Variants in DCC observed in about 807,000 individuals in gnomAD.
DCC encodes netrin receptor DCC.
Under a neutral mutation model 172.5 loss-of-function variants are expected in DCC, and 58 were observed. The observed-to-expected ratio is 0.34, with a 90% CI of 0.27 to 0.42. The LOEUF is 0.42. Ranked by LOEUF, DCC falls within the 10% of genes least tolerant of loss-of-function variation. The pLI is 1.00. For synonymous variants in DCC, 709 were observed against 644.5 expected, an observed-to-expected ratio of 1.10 and a Z score of -1.52; for missense variants, 1,740 against 1,791.0, an observed-to-expected ratio of 0.97 and a Z score of 0.51.
intron 15 of DCC, among the ~76,000 whole-genome samples, chr18:53,383,401 CAT>C (rs1176788834): frequency 6.6e-6 from 1 of 151,432 alleles, no homozygotes; most frequent in Non-Finnish European, 1.5e-5. Flanking sequence ...GGTGAGTTTC[CAT>C]ACATCACAGC....
intron 5 of DCC, among the ~76,000 whole-genome samples, chr18:52,990,538 CCCAAAAAAAAAAA>C (rs201854081): frequency 0.32 from 24,157 of 76,438 alleles, 3,017 homozygotes; most frequent in Middle Eastern, 0.46. Context: ...AAAACTCCAT[CCCAAAAAAAAAAA>C]AAAAAAAAAA....
chr18:52,627,373 T>C (rs1034737783), intron 1 of DCC, among the ~76,000 whole-genome samples: 11 of 152,278 alleles, frequency 7.2e-5, no homozygotes, highest in Non-Finnish European at 7.4e-5. Context: ...TGAGTAAGGT[T>C]CCTGTGCACT....
chr18:52,985,089 C>T (rs1394794917), intron 5 of DCC, among the ~76,000 whole-genome samples: 1 of 151,886 alleles, frequency 6.6e-6, no homozygotes, highest in South Asian at 2.1e-4. Flanking sequence ...GGTTCTAATT[C>T]GTGTTGTTGA....
chr18:52,410,657 A>G (rs1310357640), intron 1 of DCC, among the ~76,000 whole-genome samples: 2 of 152,152 alleles, frequency 1.3e-5, no homozygotes, highest in African/African-American at 4.8e-5. Flanking sequence ...AGTTCCTTCC[A>G]GTTTGAAAGC....
intron 7 of DCC, among the ~76,000 whole-genome samples, chr18:53,078,600 A>AG (rs2042754744): frequency 6.6e-6 from 1 of 152,000 alleles, no homozygotes; most frequent in Admixed American, 6.6e-5. Context: ...GGTTAAAAAA[A>AG]AGAGAAATAA....
At chr18:52,658,642 A>G (rs2035299828) in intron 1 of DCC, among the ~76,000 whole-genome samples, 1 of 152,144 alleles carries the variant, frequency 6.6e-6, no homozygotes, top group Non-Finnish European at 1.5e-5. Context: ...TCATCACTTT[A>G]TTCTATACAT....
At chr18:53,207,364 G>A (rs966607010) in intron 10 of DCC, among the ~76,000 whole-genome samples, 1 of 152,142 alleles carries the variant, frequency 6.6e-6, no homozygotes, top group South Asian at 2.1e-4. Context: ...TTCCCATGGC[G>A]TTATAAGCTG....
intron 15 of DCC, among the ~76,000 whole-genome samples, chr18:53,357,548 C>A (rs2057891041): frequency 6.6e-6 from 1 of 152,122 alleles, no homozygotes; most frequent in South Asian, 2.1e-4. Context: ...ATGTAGAGAA[C>A]ATTTATTATT....
At position 52,800,930 on chromosome 18, in the gene DCC, C is replaced by T. The variant is rs1216903402; in HGVS notation, c.412+48556C>T. The stretch of plus-strand genomic sequence containing the variant: ...TAATTATGCACCTACTATAAGCTGG[C>T]GTATTGGCAGGGTGCATCATTGACA... On this transcript the variant is annotated intron_variant, in intron 2 of 28. Transcript: ENST00000442544. 2.6e-5 allele frequency among the ~76,000 whole-genome samples: 4 copies of T among 152,206 alleles called. No individual in the cohort carries two copies. The East Asian group carries it at 5.8e-4, about 22-fold the overall frequency.
intron 1 of DCC, among the ~76,000 whole-genome samples, chr18:52,705,730 G>A (rs777244630): frequency 6.6e-6 from 1 of 152,144 alleles, no homozygotes; most frequent in Non-Finnish European, 1.5e-5. Flanking sequence ...GTCTGCATAA[G>A]CCACGGCCTG....
intron 12 of DCC, among the ~76,000 whole-genome samples, chr18:53,228,267 T>A (rs1473195757): frequency 7.2e-4 from 109 of 151,912 alleles, no homozygotes; most frequent in African/African-American, 2.1e-3. Context: ...AAAATAAAAA[T>A]AAAAAATAAA....
chr18:52,487,243 G>A (rs2030271020), intron 1 of DCC, among the ~76,000 whole-genome samples: 1 of 151,978 alleles, frequency 6.6e-6, no homozygotes, highest in African/African-American at 2.4e-5. Flanking sequence ...CAGTGACTAA[G>A]AAATATAAAG....
At chr18:53,478,121 G>C (rs776221450) in intron 25 of DCC, among the ~76,000 whole-genome samples, 2 of 152,216 alleles carry the variant, frequency 1.3e-5, no homozygotes, top group African/African-American at 2.4e-5. Flanking sequence ...TGGGGCAAGG[G>C]TGGGATTGAA....
intron 13 of DCC, among the ~76,000 whole-genome samples, chr18:53,311,109 ATTTATTTAT>A (rs1193002978): frequency 7.3e-6 from 1 of 137,800 alleles, no homozygotes; most frequent in Non-Finnish European, 1.5e-5. Context: ...TATTTCATTT[ATTTATTTAT>A]TTTATTTATT....
At chr18:52,897,301 A>G (rs979174363) in intron 2 of DCC, among the ~76,000 whole-genome samples, 1 of 152,252 alleles carries the variant, frequency 6.6e-6, no homozygotes, top group Non-Finnish European at 1.5e-5. Flanking sequence ...GGCCTAGGGC[A>G]AGAGGTCATT....
chr18:53,178,844 A>C, intron 8 of DCC, 118 bp from the exon 9 acceptor site: 1 of 965,634 alleles, frequency 1.0e-6, no homozygotes, highest in South Asian at 1.4e-5. Flanking sequence ...TCCCAGAGTC[A>C]ACATTAGATG....
chr18:52,665,195 T>C (rs1338671346), intron 1 of DCC, among the ~76,000 whole-genome samples: 1 of 152,222 alleles, frequency 6.6e-6, no homozygotes, highest in Non-Finnish European at 1.5e-5. Context: ...ATGTGTGGTT[T>C]TGGCATGGCA....
intron 26 of DCC, among the ~76,000 whole-genome samples, chr18:53,496,153 A>T (rs1014862922): frequency 6.6e-6 from 1 of 152,160 alleles, no homozygotes; most frequent in African/African-American, 2.4e-5. Flanking sequence ...CAGCCCATGT[A>T]TCCTGACTGG....
At chr18:52,658,366 G>T (rs1034063826) in intron 1 of DCC, among the ~76,000 whole-genome samples, 1 of 152,052 alleles carries the variant, frequency 6.6e-6, no homozygotes, top group Non-Finnish European at 1.5e-5. Flanking sequence ...TAAAATAAAT[G>T]ATCAAATAGC....
Sources: gnomAD v4.1 joint callset for allele counts (sites outside exome capture counted in the v4.1 genomes callset) on GRCh38, gnomAD v4.1.1 for gene constraint, MANE v1.5 for transcripts, NCBI Gene and HGNC (gene_info 2026-07-23, HGNC 2026-07-21) for gene names.